RANBP2: variants seen among roughly 807,000 people sequenced by gnomAD.
The protein encoded by RANBP2 is RAN binding protein 2.
RANBP2 carries 57 observed loss-of-function variants against 303.6 expected under a neutral mutation model. The observed-to-expected ratio is 0.19, with a 90% CI of 0.15 to 0.23. The LOEUF (loss-of-function observed/expected upper bound fraction) is 0.23. RANBP2 is among the 10% of genes least tolerant of loss of function. The probability of loss-of-function intolerance (pLI) is 1.00; values close to 1 mark genes in which losing one functional copy is unlikely to be tolerated. For synonymous variants in RANBP2, 1,167 were observed against 1,301.5 expected (o/e 0.90, Z 2.23); for missense variants, 3,138 against 3,780.8 (o/e 0.83, Z 4.46).
the RANBP2 span, among the ~76,000 whole-genome samples, chr2:109,338,957 A>G: frequency 6.6e-6 from 1 of 152,258 alleles, no homozygotes; most frequent in Non-Finnish European, 1.5e-5. Context: ...AGAACTATAC[A>G]TTATATACTG....
chr2:109,005,289 C>T, the RANBP2 span, among the ~76,000 whole-genome samples: 1 of 152,114 alleles, frequency 6.6e-6, no homozygotes, highest in Non-Finnish European at 1.5e-5. Flanking sequence ...AATTCATTCC[C>T]CTGTCCTAAG....
At chr2:109,159,125 G>C in the RANBP2 span, among the ~76,000 whole-genome samples, 1 of 123,702 alleles carries the variant, frequency 8.1e-6, no homozygotes, top group Non-Finnish European at 1.9e-5. Flanking sequence ...TCAAAACAAA[G>C]AAACAAAAAG....
At chr2:109,183,707 T>C in the RANBP2 span, among the ~76,000 whole-genome samples, 1 of 152,266 alleles carries the variant, frequency 6.6e-6, no homozygotes, top group African/African-American at 2.4e-5. Flanking sequence ...CTGATGAGTC[T>C]CTCAGCACTT....
the RANBP2 span, chr2:109,565,970 C>T: frequency 2.7e-5 from 27 of 985,260 alleles, no homozygotes; most frequent in South Asian, 2.2e-4. Flanking sequence ...CTATTAAAAT[C>T]GAATGGTCAG....
At chr2:109,058,449 G>A in the RANBP2 span, among the ~76,000 whole-genome samples, 1 of 152,202 alleles carries the variant, frequency 6.6e-6, no homozygotes, top group African/African-American at 2.4e-5. Flanking sequence ...CTTAGGAAAA[G>A]GCTCTCGGCT....
chr2:109,015,919 G>A, the RANBP2 span, among the ~76,000 whole-genome samples: 1 of 152,200 alleles, frequency 6.6e-6, no homozygotes, highest in Admixed American at 6.5e-5. Context: ...TTAGACACGG[G>A]TTTTCAGCTG....
At chr2:109,107,474 G>C in the RANBP2 span, among the ~76,000 whole-genome samples, 1 of 152,122 alleles carries the variant, frequency 6.6e-6, no homozygotes, top group African/African-American at 2.4e-5. Context: ...GTTGCTTCCG[G>C]CATCTCTGGA....
At chr2:109,533,271 G>A in the RANBP2 span, among the ~76,000 whole-genome samples, 1 of 152,254 alleles carries the variant, frequency 6.6e-6, no homozygotes. Flanking sequence ...GCTGCTGGAT[G>A]GAGGAACAGG....
At chr2:108,738,651 G>A (rs957365512) in intron 6 of RANBP2, among the ~76,000 whole-genome samples, 18 of 139,606 alleles carry the variant, frequency 1.3e-4, no homozygotes, top group East Asian at 4.1e-4. Flanking sequence ...TTTTTGAGAC[G>A]GAGTTTTGCT....
At chr2:108,880,735 G>A in the RANBP2 span, among the ~76,000 whole-genome samples, 3 of 152,102 alleles carry the variant, frequency 2.0e-5, no homozygotes, top group African/African-American at 7.2e-5. Context: ...CTGCTGTTGA[G>A]ACCTACTGCT....
At chr2:108,908,056 G>A in the RANBP2 span, 1 of 1,573,374 alleles carries the variant, frequency 6.4e-7, no homozygotes. Flanking sequence ...AGCAGTGCCT[G>A]GGGGGGCTGC....
the RANBP2 span, among the ~76,000 whole-genome samples, chr2:108,826,624 A>C: frequency 1.3e-5 from 2 of 152,176 alleles, no homozygotes; most frequent in Non-Finnish European, 2.9e-5. Context: ...GTCTATCCTT[A>C]TGCCGGTGTC....
the RANBP2 span, among the ~76,000 whole-genome samples, chr2:109,590,694 GC>G: frequency 6.6e-6 from 1 of 152,154 alleles, no homozygotes; most frequent in Non-Finnish European, 1.5e-5. Flanking sequence ...CTCCCAAAGT[GC>G]TAGGATTACA....
the RANBP2 span, among the ~76,000 whole-genome samples, chr2:109,321,079 A>G: frequency 6.6e-6 from 1 of 152,240 alleles, no homozygotes; most frequent in Non-Finnish European, 1.5e-5. Context: ...AATGATTACT[A>G]CTGATAATGA....
the RANBP2 span, among the ~76,000 whole-genome samples, chr2:109,232,201 T>C: frequency 2.6e-5 from 4 of 152,244 alleles, no homozygotes; most frequent in Non-Finnish European, 4.4e-5. Context: ...TCCAGGCTAT[T>C]TACTAAAGTG....
the RANBP2 span, among the ~76,000 whole-genome samples, chr2:108,846,387 T>C: frequency 6.6e-6 from 1 of 152,094 alleles, no homozygotes; most frequent in Non-Finnish European, 1.5e-5. Context: ...ATATTTAAAA[T>C]AGTTATTGGC....
At chr2:109,704,123 C>A in the RANBP2 span, among the ~76,000 whole-genome samples, 3 of 152,314 alleles carry the variant, frequency 2.0e-5, no homozygotes, top group Admixed American at 1.3e-4. Flanking sequence ...TCAGATGATC[C>A]CTCCCCCACA....
chr2:109,614,288 G>A, the RANBP2 span: 2 of 619,400 alleles, frequency 3.2e-6, no homozygotes, highest in Non-Finnish European at 4.5e-6. Context: ...TGGTGGCGTG[G>A]GCGCGGGGCG....
the RANBP2 span, among the ~76,000 whole-genome samples, chr2:109,612,155 C>T: frequency 1.3e-3 from 205 of 152,024 alleles, no homozygotes; most frequent in African/African-American, 4.8e-3. Flanking sequence ...TATGCAACAA[C>T]CTGGATGAAT....
Sources: allele counts gnomAD v4.1 joint callset (sites outside exome capture counted in the v4.1 genomes callset), GRCh38; gene constraint gnomAD v4.1.1; transcripts MANE v1.5; gene names NCBI Gene and HGNC (gene_info 2026-07-23, HGNC 2026-07-21).